Variants in CSMD1 observed in about 807,000 individuals in gnomAD.
CSMD1 encodes CUB and Sushi multiple domains 1.
CSMD1 carries 213 observed loss-of-function variants against 417.5 expected under a neutral mutation model. That is an observed-to-expected ratio of 0.51 (90% CI 0.46 to 0.57). The LOEUF (loss-of-function observed/expected upper bound fraction) is 0.57, where lower values mean the gene tolerates loss of function less well. Ranked by LOEUF, CSMD1 falls within the 20% of genes least tolerant of loss-of-function variation. The pLI, the probability that CSMD1 is intolerant of heterozygous loss-of-function variation, is 0.00. For synonymous variants in CSMD1, 2,862 were observed against 1,736.8 expected (o/e 1.65, Z -16.11); for missense variants, 6,923 against 4,529.7 (o/e 1.53, Z -15.17).
chr8:4,193,044 G>A (rs1027312127), intron 3 of CSMD1, among the ~76,000 whole-genome samples: 1 of 152,168 alleles, frequency 6.6e-6, no homozygotes, highest in African/African-American at 2.4e-5. Context: ...TTAAGTTAAT[G>A]TCATTATGTA....
intron 10 of CSMD1, among the ~76,000 whole-genome samples, chr8:3,536,588 C>A (rs752299641): frequency 2.0e-5 from 3 of 152,186 alleles, no homozygotes; most frequent in Admixed American, 1.3e-4. Flanking sequence ...TAGTCACTGT[C>A]TCCATCATGA....
At chr8:4,630,476 A>G (rs1252078385) in intron 2 of CSMD1, among the ~76,000 whole-genome samples, 1 of 152,232 alleles carries the variant, frequency 6.6e-6, no homozygotes, top group Non-Finnish European at 1.5e-5. Flanking sequence ...AACAAAAACG[A>G]AAAACAAACA....
intron 5 of CSMD1, among the ~76,000 whole-genome samples, chr8:3,839,394 ATATT>A (rs1239669163): frequency 1.6e-5 from 1 of 62,876 alleles, no homozygotes; most frequent in South Asian, 4.2e-4. Context: ...GTCTCCATAT[ATATT>A]TATATATAAT....
chr8:4,298,672 C>T (rs371032411), intron 3 of CSMD1, among the ~76,000 whole-genome samples: 4 of 152,044 alleles, frequency 2.6e-5, no homozygotes, highest in African/African-American at 4.8e-5. Flanking sequence ...GAAGTTATTT[C>T]ATTTTCATTT....
At chr8:3,035,576 G>A (rs975111605) in intron 50 of CSMD1, among the ~76,000 whole-genome samples, 12 of 152,122 alleles carry the variant, frequency 7.9e-5, no homozygotes, top group African/African-American at 2.4e-4. Context: ...GAATTGAATC[G>A]ACAAGAGCTC....
chr8:3,288,391 T>G (rs1803308599), intron 25 of CSMD1, among the ~76,000 whole-genome samples: 1 of 147,286 alleles, frequency 6.8e-6, no homozygotes, highest in Non-Finnish European at 1.5e-5. Flanking sequence ...CTCCTCCTTG[T>G]ACCTCTGGTA....
At chr8:4,746,922 G>A (rs1295888227) in intron 1 of CSMD1, among the ~76,000 whole-genome samples, 5 of 152,204 alleles carry the variant, frequency 3.3e-5, no homozygotes, top group African/African-American at 7.2e-5. Flanking sequence ...ACACTCTAGT[G>A]TAATGAATCT....
chr8:3,206,347 TGTGTGTGTATGTGTGTATTGGGGG>T (rs2116760026), intron 30 of CSMD1, among the ~76,000 whole-genome samples: 1 of 118,116 alleles, frequency 8.5e-6, no homozygotes, highest in African/African-American at 3.4e-5. Context: ...GTGTTTGGGG[TGTGTGTGTATGTGTGTATTGGGGG>T]TATGTCTGTG....
At chr8:4,719,366 G>C (rs1000779042) in intron 1 of CSMD1, among the ~76,000 whole-genome samples, 1 of 152,098 alleles carries the variant, frequency 6.6e-6, no homozygotes, top group African/African-American at 2.4e-5. Flanking sequence ...GCTTGAGCCT[G>C]CTCATTCTCT....
chr8:3,381,826 G>A (rs1210000700), intron 18 of CSMD1, among the ~76,000 whole-genome samples: 6 of 152,176 alleles, frequency 3.9e-5, no homozygotes, highest in Admixed American at 3.9e-4. Context: ...AGGCGAGCAT[G>A]AGAGTTACAA....
chr8:3,618,751 G>A (rs889598298), intron 7 of CSMD1, among the ~76,000 whole-genome samples: 2 of 152,084 alleles, frequency 1.3e-5, no homozygotes, highest in Admixed American at 1.3e-4. Context: ...GCCCAATGAA[G>A]AAAAAGATGT....
intron 42 of CSMD1, among the ~76,000 whole-genome samples, chr8:3,112,266 C>A (rs1816564340): frequency 6.6e-6 from 1 of 152,164 alleles, no homozygotes; most frequent in Non-Finnish European, 1.5e-5. Flanking sequence ...GGCTGAAACC[C>A]TTTACAGGTG....
chr8:3,606,145 G>A (rs185752574), intron 8 of CSMD1, among the ~76,000 whole-genome samples: 19 of 152,304 alleles, frequency 1.2e-4, no homozygotes, highest in Admixed American at 5.9e-4. Context: ...AGAGCCCCTC[G>A]TTCTGCAGAG....
intron 6 of CSMD1, among the ~76,000 whole-genome samples, chr8:3,742,888 G>T (rs1465567431): frequency 2.0e-5 from 3 of 152,206 alleles, no homozygotes; most frequent in Non-Finnish European, 4.4e-5. Flanking sequence ...GACTGCAATG[G>T]ATAACAGAGT....
chr8:3,493,227 G>C (rs1796208868), intron 11 of CSMD1, among the ~76,000 whole-genome samples: 1 of 150,536 alleles, frequency 6.6e-6, no homozygotes, highest in Non-Finnish European at 1.5e-5. Context: ...CCGGGAGGCG[G>C]AGGTTGCAGT....
intron 1 of CSMD1, among the ~76,000 whole-genome samples, chr8:4,766,959 T>A (rs939520583): frequency 6.6e-6 from 1 of 152,202 alleles, no homozygotes; most frequent in Non-Finnish European, 1.5e-5. Flanking sequence ...TGAGTTAAGA[T>A]AAGAAGATAG....
At chr8:4,029,630 C>T (rs939047073) in intron 4 of CSMD1, among the ~76,000 whole-genome samples, 6 of 152,128 alleles carry the variant, frequency 3.9e-5, no homozygotes, top group Non-Finnish European at 7.4e-5. Context: ...GGTAGGGACA[C>T]AGCCAAACCA....
At chr8:4,313,091 A>C (rs1336324412) in intron 3 of CSMD1, among the ~76,000 whole-genome samples, 1 of 152,202 alleles carries the variant, frequency 6.6e-6, no homozygotes, top group Non-Finnish European at 1.5e-5. Context: ...GAGCTAATAT[A>C]GAAACACAAC....
At chr8:3,267,384 G>C (rs946187390) in intron 26 of CSMD1, among the ~76,000 whole-genome samples, 1 of 152,226 alleles carries the variant, frequency 6.6e-6, no homozygotes, top group Non-Finnish European at 1.5e-5. Context: ...GAAATACAAA[G>C]GTGCGTTGGA....
Sources: gnomAD v4.1 joint callset for allele counts (sites outside exome capture counted in the v4.1 genomes callset) on GRCh38, gnomAD v4.1.1 for gene constraint, MANE v1.5 for transcripts, NCBI Gene and HGNC (gene_info 2026-07-23, HGNC 2026-07-21) for gene names.